Variants in FGD4 observed in about 807,000 individuals in gnomAD.
FGD4 encodes the protein FYVE, RhoGEF and PH domain-containing protein 4.
FGD4 carries 42 observed loss-of-function variants against 102.0 expected under a neutral mutation model. The ratio of observed to expected loss-of-function variants is 0.41; its 90% CI spans 0.32 to 0.53. The LOEUF (loss-of-function observed/expected upper bound fraction) is 0.53, where lower values mean the gene tolerates loss of function less well. FGD4 is among the 20% of genes least tolerant of loss of function. The pLI is 0.21. For missense variants in FGD4, 902 were observed against 1,078.2 expected (o/e 0.84, Z 2.29); for synonymous variants, 380 against 375.7 (o/e 1.01, Z -0.13).
chr12:32,628,864 C>G (rs751506516), intron 14 of FGD4, among the ~76,000 whole-genome samples: 8 of 152,164 alleles, frequency 5.3e-5, no homozygotes, highest in Middle Eastern at 6.8e-3. Context: ...TTCCTGGGAT[C>G]TGAGATAAAC....
At chr12:32,492,618 G>A (rs1340636345) in intron 1 of FGD4, among the ~76,000 whole-genome samples, 1 of 152,126 alleles carries the variant, frequency 6.6e-6, no homozygotes, top group Non-Finnish European at 1.5e-5. Context: ...AAGTGTTAAA[G>A]CAGGATGTAC....
chr12:32,416,151 C>T (rs191504854), intron 1 of FGD4, among the ~76,000 whole-genome samples: 1 of 152,264 alleles, frequency 6.6e-6, no homozygotes, highest in Admixed American at 6.5e-5. Context: ...AGGTGTATGC[C>T]ACCATGCCCA....
chr12:32,598,161 G>C (rs1220537096), intron 4 of FGD4, among the ~76,000 whole-genome samples: 1 of 152,194 alleles, frequency 6.6e-6, no homozygotes, highest in African/African-American at 2.4e-5. Flanking sequence ...CAAGATGTCT[G>C]AGTGATAACA....
At chr12:32,562,171 G>T (rs144564144) in intron 1 of FGD4, among the ~76,000 whole-genome samples, 2 of 152,128 alleles carry the variant, frequency 1.3e-5, no homozygotes, top group African/African-American at 2.4e-5. Context: ...GATTAATTCC[G>T]TCCTTTCCTT....
chr12:32,478,952 C>T (rs796624093), intron 1 of FGD4, among the ~76,000 whole-genome samples: 26 of 152,332 alleles, frequency 1.7e-4, no homozygotes, highest in African/African-American at 5.5e-4. Context: ...ATTTCAGCAA[C>T]GATGCCCACA....
intron 1 of FGD4, among the ~76,000 whole-genome samples, chr12:32,403,120 TAAAG>T (rs10545601): frequency 0.18 from 27,212 of 152,026 alleles, 2,989 homozygotes; most frequent in East Asian, 0.29. Flanking sequence ...CTTTCCCTCT[TAAAG>T]AAGAAGGAAC....
chr12:32,473,458 C>A (rs1174101902), intron 1 of FGD4, among the ~76,000 whole-genome samples: 1 of 152,014 alleles, frequency 6.6e-6, no homozygotes, highest in Non-Finnish European at 1.5e-5. Flanking sequence ...CTGTAACACT[C>A]ACCGCAAAGG....
chr12:32,579,890 T>C lies in FGD4; in HGVS notation c.504-2070T>C, dbSNP rs142035130. ...TCATCACTTTCTTGCTGTTTACTTTTATTCCCTGTTTCATTCTCCAGTCCA... is the reference window on the plus strand; with the variant it reads ...TCATCACTTTCTTGCTGTTTACTTTCATTCCCTGTTTCATTCTCCAGTCCA... On this transcript the variant is annotated intron_variant, in intron 3 of 16. Transcript: ENST00000534526. Among the ~76,000 whole-genome samples, 1,097 of 152,306 alleles carry C rather than the reference T, an allele frequency of 7.2e-3. 11 individuals are homozygous for C. The highest frequency in any genetic ancestry group is 0.024 in the African/African-American group (983 of 41,568).
chr12:32,626,731 A>G (rs1199428524), intron 14 of FGD4, among the ~76,000 whole-genome samples: 1 of 152,228 alleles, frequency 6.6e-6, no homozygotes, highest in Non-Finnish European at 1.5e-5. Flanking sequence ...CCTCCATTAT[A>G]TCAGAGAGGA....
intron 14 of FGD4, among the ~76,000 whole-genome samples, chr12:32,630,337 G>A (rs1950425130): frequency 6.6e-6 from 1 of 152,156 alleles, no homozygotes; most frequent in African/African-American, 2.4e-5. Flanking sequence ...TCGTGGTTAT[G>A]TATTTCGTTA....
intron 1 of FGD4, among the ~76,000 whole-genome samples, chr12:32,441,333 C>T (rs369330499): frequency 5.3e-5 from 8 of 152,126 alleles, no homozygotes; most frequent in South Asian, 2.1e-4. Flanking sequence ...GGTTATTCAG[C>T]GTCTAAAGTC....
chr12:32,531,141 AG>A (rs1941776834), intron 1 of FGD4, among the ~76,000 whole-genome samples: 1 of 151,478 alleles, frequency 6.6e-6, no homozygotes, highest in Non-Finnish European at 1.5e-5. Context: ...TAGTAGAGAC[AG>A]GGTTTCACCA....
chr12:32,431,754 CAG>C (rs1439145583), intron 1 of FGD4, among the ~76,000 whole-genome samples: 4 of 150,528 alleles, frequency 2.7e-5, no homozygotes, highest in African/African-American at 9.8e-5. Context: ...GCCTGCGTGA[CAG>C]AGCAAGATTC....
At chr12:32,626,376 G>A (rs999209620) in intron 14 of FGD4, among the ~76,000 whole-genome samples, 3 of 151,556 alleles carry the variant, frequency 2.0e-5, no homozygotes, top group Non-Finnish European at 2.9e-5. Context: ...CCCAGAAGGC[G>A]GAGGTTGCAG....
chr12:32,412,419 CT>C (rs930777956), intron 1 of FGD4, among the ~76,000 whole-genome samples: 12 of 152,240 alleles, frequency 7.9e-5, no homozygotes, highest in African/African-American at 2.9e-4. Context: ...ATTCAAAATA[CT>C]CATTATCTCA....
intron 1 of FGD4, among the ~76,000 whole-genome samples, chr12:32,528,176 A>G (rs555311648): frequency 3.3e-4 from 50 of 152,090 alleles, no homozygotes; most frequent in Non-Finnish European, 5.7e-4. Flanking sequence ...GGCTCAAGCA[A>G]TCCTCCCGCT....
intron 1 of FGD4, among the ~76,000 whole-genome samples, chr12:32,469,638 G>A (rs573680871): frequency 6.7e-6 from 1 of 149,102 alleles, no homozygotes; most frequent in East Asian, 2.0e-4. Context: ...ACTACAGTTT[G>A]TTTAAACCAA....
Position 32,579,178 on chromosome 12 carries a change from C to G in FGD4, c.503+2729C>G, listed in dbSNP as rs1173601643. Among the ~76,000 whole-genome samples, 8 of 150,718 alleles carry G rather than the reference C, an allele frequency of 5.3e-5. No individual in the cohort carries two copies. The East Asian group carries it at 1.2e-3, about 22-fold the overall frequency. The stretch of plus-strand genomic sequence containing the variant: ...TTTCCTGCCTCAGCCTCCTGAATAG[C>G]TGGGATTACAAGGCATGCACCACCA... On this transcript the variant is annotated intron_variant, in intron 3 of 16. Transcript: ENST00000534526.
At chr12:32,558,679 G>A (rs1944305950) in intron 1 of FGD4, among the ~76,000 whole-genome samples, 1 of 152,200 alleles carries the variant, frequency 6.6e-6, no homozygotes, top group Non-Finnish European at 1.5e-5. Flanking sequence ...CCACACAAAA[G>A]TGTGACTTAG....
Sources: allele counts gnomAD v4.1 joint callset (sites outside exome capture counted in the v4.1 genomes callset), GRCh38; gene constraint gnomAD v4.1.1; transcripts MANE v1.5; gene names NCBI Gene and HGNC (gene_info 2026-07-23, HGNC 2026-07-21).